Variants in ELF1 observed in about 807,000 individuals in gnomAD.
ELF1 encodes E74 like ETS transcription factor 1, also known as ETS-related transcription factor Elf-1.
A neutral mutation model predicts 59.9 loss-of-function variants in ELF1; 24 were observed. That is an observed-to-expected ratio of 0.40 (90% CI 0.29 to 0.56). The LOEUF (loss-of-function observed/expected upper bound fraction) is 0.56. ELF1 is among the 20% of genes least tolerant of loss of function. The probability of loss-of-function intolerance (pLI) is 0.44; values close to 1 mark genes in which losing one functional copy is unlikely to be tolerated. For missense variants in ELF1, 627 were observed against 742.2 expected (o/e 0.84, Z 1.80); for synonymous variants, 248 against 266.2 (o/e 0.93, Z 0.67).
chr13:40,942,975 A>G lies in ELF1; in HGVS notation c.783T>C (p.Tyr261=), dbSNP rs976836424. ...GKHKNKPDMN[Y]ETMGRALRYY... ...ACCTGAGTGCTCTTCCCATGGTCTC[A>G]TAATTCATATCAGGTTTGTTTTTGT... The change falls in exon 7 of 9, where the codon TAT becomes TAC. Residue 261 remains tyrosine, a synonymous_variant. Coordinates refer to ENST00000239882, the MANE Select transcript of ELF1 (RefSeq NM_172373.4). The G allele has an allele frequency of 1.9e-6, 3 of 1,605,864 alleles. No individual in the cohort carries two copies. The highest frequency in any genetic ancestry group is 2.6e-6 in the Non-Finnish European group (3 of 1,175,784).
intron 1 of ELF1, among the ~76,000 whole-genome samples, chr13:40,986,836 T>A: frequency 6.6e-6 from 1 of 152,076 alleles, no homozygotes. Flanking sequence ...TCAAAATTGA[T>A]CACTGATTGA....
At chr13:40,980,614 G>C (rs900274155) in intron 2 of ELF1, among the ~76,000 whole-genome samples, 3 of 152,064 alleles carry the variant, frequency 2.0e-5, no homozygotes, top group African/African-American at 7.2e-5. Context: ...TATAACTAGA[G>C]CATATTAGTG....
intron 2 of ELF1, among the ~76,000 whole-genome samples, chr13:40,959,358 C>T (rs1276013115): frequency 2.6e-5 from 4 of 151,810 alleles, no homozygotes; most frequent in Admixed American, 1.3e-4. Flanking sequence ...TAGCTGGGCA[C>T]GGTGGCATGC....
intron 1 of ELF1, among the ~76,000 whole-genome samples, chr13:41,040,258 G>A (rs929890337): frequency 1.3e-5 from 2 of 152,110 alleles, no homozygotes; most frequent in African/African-American, 2.4e-5. Context: ...TATGTAAATC[G>A]GGAAACGTCA....
In ELF1 at chr13:40,955,528, G is replaced by A. The variant is rs868285726; in HGVS notation, c.253+3308C>T. Among the ~76,000 whole-genome samples the A allele has an allele frequency of 4.0e-3, 317 of 78,442 alleles. 7 individuals carry two copies. The highest frequency in any genetic ancestry group is 6.3e-3 in the Non-Finnish European group (222 of 35,298). 51.5% of individuals were successfully genotyped at this position (78,442 alleles called of 152,430 possible). On this transcript the variant is annotated intron_variant, in intron 3 of 8. Coordinates refer to ENST00000239882, the MANE Select transcript of ELF1 (RefSeq NM_172373.4). ...GAGGAGTCCCTCTGCCCGGCCAGCC[G>A]CCCCGTCCGGGAAGTAGGTGGGGGG... is the stretch of plus-strand genomic sequence containing the variant.
intron 2 of ELF1, among the ~76,000 whole-genome samples, chr13:40,976,564 G>C (rs528722439): frequency 6.6e-6 from 1 of 152,128 alleles, no homozygotes; most frequent in African/African-American, 2.4e-5. Context: ...TGTTTTAGAC[G>C]GAGTTTCACT....
At chr13:41,047,303 T>C (rs1225762172) in intron 1 of ELF1, among the ~76,000 whole-genome samples, 3 of 152,234 alleles carry the variant, frequency 2.0e-5, no homozygotes, top group Non-Finnish European at 4.4e-5. Context: ...CCGTCCAGCT[T>C]TGTTCCGTTG....
intron 2 of ELF1, among the ~76,000 whole-genome samples, chr13:40,980,781 C>G (rs1225404647): frequency 6.6e-6 from 1 of 152,132 alleles, no homozygotes; most frequent in Non-Finnish European, 1.5e-5. Flanking sequence ...TGTCTTAAAC[C>G]AAATTCAAAA....
intron 2 of ELF1, 83 bp from the exon 3 acceptor site, chr13:40,959,099 A>G: frequency 6.9e-7 from 1 of 1,458,460 alleles, no homozygotes; most frequent in Non-Finnish European, 9.0e-7. Flanking sequence ...AAACTATTTT[A>G]TACTAGCCAT....
intron 1 of ELF1, among the ~76,000 whole-genome samples, chr13:40,992,540 TGAAG>T (rs1002569999): frequency 6.6e-6 from 1 of 152,220 alleles, no homozygotes; most frequent in Non-Finnish European, 1.5e-5. Context: ...TGAGAAATAA[TGAAG>T]GAAGAATGAA....
At chr13:40,951,038 T>C (rs561928040) in intron 4 of ELF1, among the ~76,000 whole-genome samples, 14 of 152,306 alleles carry the variant, frequency 9.2e-5, no homozygotes, top group African/African-American at 3.4e-4. Flanking sequence ...ATTTGGGCCC[T>C]TGATACCCTA....
intron 1 of ELF1, among the ~76,000 whole-genome samples, chr13:41,046,595 T>G (rs1288821810): frequency 1.3e-5 from 2 of 152,188 alleles, no homozygotes; most frequent in Middle Eastern, 3.2e-3. Context: ...TTTTCTTTAA[T>G]AATGTTGAAT....
intron 2 of ELF1, among the ~76,000 whole-genome samples, chr13:40,966,251 A>C (rs1872167878): frequency 6.6e-6 from 1 of 152,228 alleles, no homozygotes. Flanking sequence ...CTAGAAGCAA[A>C]TTACTGCAGT....
intron 5 of ELF1, among the ~76,000 whole-genome samples, chr13:40,946,478 G>C (rs1040727847): frequency 2.0e-5 from 3 of 152,106 alleles, no homozygotes; most frequent in Non-Finnish European, 4.4e-5. Flanking sequence ...AGTTTCTAGA[G>C]CTTTATATAA....
At chr13:40,959,087 C>A in intron 2 of ELF1, 71 bp from the exon 3 acceptor site, 2 of 1,492,316 alleles carry the variant, frequency 1.3e-6, no homozygotes, top group South Asian at 2.8e-5. Context: ...AAATAATGCT[C>A]AAAACTATTT....
At chr13:41,041,632 G>A (rs539043035) in intron 1 of ELF1, among the ~76,000 whole-genome samples, 4 of 152,128 alleles carry the variant, frequency 2.6e-5, no homozygotes, top group South Asian at 2.1e-4. Context: ...CCATTATTGC[G>A]CCACTGCACT....
chr13:40,985,018 C>A (rs1450070453), intron 1 of ELF1, among the ~76,000 whole-genome samples: 5 of 152,182 alleles, frequency 3.3e-5, no homozygotes, highest in African/African-American at 7.2e-5. Flanking sequence ...AATGGCTCCC[C>A]ACAATCACTA....
chr13:41,057,332 T>A (rs1181694266), intron 1 of ELF1, among the ~76,000 whole-genome samples: 1 of 151,632 alleles, frequency 6.6e-6, no homozygotes, highest in Non-Finnish European at 1.5e-5. Flanking sequence ...AATTTTTTTT[T>A]AATTTTATTT....
chr13:40,950,751 C>T (rs781552565), intron 4 of ELF1, among the ~76,000 whole-genome samples: 1 of 152,174 alleles, frequency 6.6e-6, no homozygotes, highest in Non-Finnish European at 1.5e-5. Flanking sequence ...AAACTGTAAG[C>T]TTGAGGAAAG....
Sources: allele counts gnomAD v4.1 joint callset (sites outside exome capture counted in the v4.1 genomes callset), GRCh38; gene constraint gnomAD v4.1.1; transcripts MANE v1.5; gene names NCBI Gene and HGNC (gene_info 2026-07-23, HGNC 2026-07-21).